CTDSPL: variants seen among roughly 807,000 people sequenced by gnomAD.
The protein encoded by CTDSPL is CTD small phosphatase like, also known as CTD small phosphatase-like protein.
CTDSPL carries 8 observed loss-of-function variants against 30.5 expected under a neutral mutation model. That is an observed-to-expected ratio of 0.26 (90% CI 0.15 to 0.47). CTDSPL has a LOEUF of 0.47. Among genes scored for constraint, CTDSPL ranks in the 20% least tolerant of loss-of-function variants. CTDSPL has a pLI of 0.99. For synonymous variants in CTDSPL, 110 were observed against 137.9 expected (o/e 0.80, Z 1.42); for missense variants, 248 against 366.1 (o/e 0.68, Z 2.63).
At chr3:37,914,598 A>G (rs1009131556) in intron 1 of CTDSPL, among the ~76,000 whole-genome samples, 1 of 152,204 alleles carries the variant, frequency 6.6e-6, no homozygotes, top group Non-Finnish European at 1.5e-5. Context: ...CATTTGATTC[A>G]CCCCTTTATT....
intron 2 of CTDSPL, chr3:37,954,894 A>G (rs1448710451): frequency 2.6e-5 from 4 of 152,260 alleles, no homozygotes; most frequent in African/African-American, 9.6e-5. Flanking sequence ...TGCTGTATAC[A>G]CACACATACA....
At position 37,976,411 on chromosome 3, in the gene CTDSPL, A is replaced by C. The variant is rs182913253; in HGVS notation, c.705+517A>C. Among the ~76,000 whole-genome samples, 28 of 152,208 alleles carry C rather than the reference A, an allele frequency of 1.8e-4. No homozygotes were observed. In the South Asian group the frequency reaches 2.9e-3, roughly 16 times the overall value. On this transcript the variant is annotated intron_variant, in intron 7 of 7. Coordinates refer to ENST00000273179, the MANE Select transcript of CTDSPL (RefSeq NM_001008392.2). ...CCAACCCTTTGGGAGGCCGAGGCAGATCACAAGGTCAGGAGATCGAGACCA... is the reference window on the plus strand; with the variant it reads ...CCAACCCTTTGGGAGGCCGAGGCAGCTCACAAGGTCAGGAGATCGAGACCA...
At chr3:37,863,710 G>A (rs1017751393) in intron 1 of CTDSPL, among the ~76,000 whole-genome samples, 1 of 152,204 alleles carries the variant, frequency 6.6e-6, no homozygotes, top group African/African-American at 2.4e-5. Context: ...ATCTGCGTGG[G>A]AGTGAGGGGA....
intron 1 of CTDSPL, among the ~76,000 whole-genome samples, chr3:37,906,988 A>G (rs73058908): frequency 0.028 from 4,266 of 152,308 alleles, 74 homozygotes; most frequent in Middle Eastern, 0.044. Flanking sequence ...AGTCATAAAC[A>G]GCTTTTATTG....
At chr3:37,874,806 A>T (rs1169613824) in intron 1 of CTDSPL, among the ~76,000 whole-genome samples, 1 of 152,138 alleles carries the variant, frequency 6.6e-6, no homozygotes, top group African/African-American at 2.4e-5. Flanking sequence ...ATTTGCTTTG[A>T]TGGTAACCTA....
rs1252831643 is a variant in CTDSPL, at chr3:37,960,499, A to T, written c.267+3356A>T. ...CTGTCTCAAAAAAAAAAAAAAAAAA[A>T]AAAAAAATATATATATATATATATA... On this transcript the variant is annotated intron_variant, in intron 3 of 7. Transcript: ENST00000273179. 1.9e-4 allele frequency among the ~76,000 whole-genome samples: 12 copies of T among 64,824 alleles called. No individual in the cohort carries two copies. In the South Asian group the frequency reaches 3.0e-3, roughly 16 times the overall value. 42.5% of individuals were successfully genotyped at this position (64,824 alleles called of 152,430 possible).
chr3:37,906,077 T>G (rs1427377690), intron 1 of CTDSPL, among the ~76,000 whole-genome samples: 5 of 152,186 alleles, frequency 3.3e-5, no homozygotes, highest in Non-Finnish European at 7.4e-5. Context: ...CCGGATGTTT[T>G]CTGTTTGCCC....
At chr3:37,890,585 G>A (rs1559625726) in intron 1 of CTDSPL, among the ~76,000 whole-genome samples, 1 of 152,140 alleles carries the variant, frequency 6.6e-6, no homozygotes, top group Non-Finnish European at 1.5e-5. Context: ...TGATAAAAAA[G>A]TAAAAGTTAA....
intron 1 of CTDSPL, among the ~76,000 whole-genome samples, chr3:37,900,198 C>CG (rs1698433750): frequency 6.6e-6 from 1 of 152,066 alleles, no homozygotes; most frequent in Non-Finnish European, 1.5e-5. Context: ...TGAGTGTGAG[C>CG]GGGGAGGGAA....
rs547052250 is a variant in CTDSPL at position 37,862,160 on chromosome 3, G to T, written c.-40G>T. The T allele has an allele frequency of 3.9e-6, 4 of 1,019,084 alleles. No homozygotes were observed. The highest frequency in any genetic ancestry group is 7.3e-5 in the East Asian group (1 of 13,618). 63.1% of individuals were successfully genotyped at this position (1,019,084 alleles called of 1,614,324 possible). Reference sequence around the variant, plus strand: ...CCGCGCCCCCGCGCGCTTGGCTTGCGGGGGGCCGGGCCTGCGGGCGGCCGC... The same window carrying T: ...CCGCGCCCCCGCGCGCTTGGCTTGCTGGGGGCCGGGCCTGCGGGCGGCCGC... On this transcript the variant is annotated 5_prime_UTR_variant, in exon 1 of 8. Coordinates refer to ENST00000273179, the MANE Select transcript of CTDSPL (RefSeq NM_001008392.2). The surrounding 1 kb of genome is among the most constrained non-coding windows in gnomAD (Gnocchi z 4.3).
At chr3:37,885,289 C>T (rs1698250682) in intron 1 of CTDSPL, among the ~76,000 whole-genome samples, 1 of 152,090 alleles carries the variant, frequency 6.6e-6, no homozygotes, top group Non-Finnish European at 1.5e-5. Flanking sequence ...TCTGGGCAAC[C>T]TGGAGTTTAA....
chr3:37,970,147 C>T (rs1699350713), intron 5 of CTDSPL, among the ~76,000 whole-genome samples: 1 of 152,210 alleles, frequency 6.6e-6, no homozygotes, highest in Non-Finnish European at 1.5e-5. Flanking sequence ...CAAGTATTCT[C>T]AGGCCTCGGG....
intron 1 of CTDSPL, among the ~76,000 whole-genome samples, chr3:37,941,419 C>CTTTT (rs770518070): frequency 7.2e-6 from 1 of 139,450 alleles, no homozygotes; most frequent in African/African-American, 2.6e-5. Flanking sequence ...ATCTTTTTTT[C>CTTTT]TTTTTTTTTT....
chr3:37,871,098 G>C (rs929436680), intron 1 of CTDSPL, among the ~76,000 whole-genome samples: 33 of 152,090 alleles, frequency 2.2e-4, no homozygotes, highest in African/African-American at 7.7e-4. Flanking sequence ...CATCCTCTGT[G>C]CTCCACTTAT....
Position 37,982,639 on chromosome 3 carries a change from G to C in CTDSPL, c.*1772G>C. 1 of 456,680 alleles carries C rather than the reference G, an allele frequency of 2.2e-6. No homozygotes were observed. The highest frequency in any genetic ancestry group is 4.4e-6 in the Non-Finnish European group (1 of 226,992). The allele number at this position is 456,680 out of a possible 1,614,324, so 28.3% of individuals were successfully genotyped here. A position where few individuals can be genotyped will look rare whatever the true frequency, so the allele number is the denominator to read the frequency against. On this transcript the variant is annotated 3_prime_UTR_variant, in exon 8 of 8. Transcript: ENST00000273179. ...TGGACTGCTGTGTGAATATTCAGAA[G>C]GGAAGTAAGTATTCAGGGGGTAAAC...
chr3:37,960,881 G>A (rs1019260179), intron 3 of CTDSPL, among the ~76,000 whole-genome samples: 41 of 151,944 alleles, frequency 2.7e-4, no homozygotes, highest in Non-Finnish European at 5.9e-5. Context: ...GTTGCTTGTC[G>A]TTTTAAATTT....
At chr3:37,933,201 AG>A (rs1467591277) in intron 1 of CTDSPL, among the ~76,000 whole-genome samples, 3 of 151,978 alleles carry the variant, frequency 2.0e-5, no homozygotes, top group African/African-American at 7.3e-5. Flanking sequence ...TGCTCAGTGC[AG>A]TATTATTTTT....
chr3:37,930,881 A>G (rs1233314298), intron 1 of CTDSPL, among the ~76,000 whole-genome samples: 3 of 152,102 alleles, frequency 2.0e-5, no homozygotes, highest in Admixed American at 1.3e-4. Context: ...CTCTGATGTT[A>G]TATCTTCCTG....
chr3:37,912,474 A>T (rs1698594710), intron 1 of CTDSPL, among the ~76,000 whole-genome samples: 1 of 152,206 alleles, frequency 6.6e-6, no homozygotes, highest in African/African-American at 2.4e-5. Context: ...CAGGCACAAG[A>T]TGACCACACG....
Sources: gnomAD v4.1 joint callset for allele counts (sites outside exome capture counted in the v4.1 genomes callset) on GRCh38, gnomAD v4.1.1 for gene constraint, Gnocchi (gnomAD v3.1) non-coding constraint, MANE v1.5 for transcripts, NCBI Gene and HGNC (gene_info 2026-07-23, HGNC 2026-07-21) for gene names.